GAPDH: variants seen among roughly 807,000 people sequenced by gnomAD.
GAPDH encodes the protein glyceraldehyde-3-phosphate dehydrogenase, also known as OCAS, p38 component.
A neutral mutation model predicts 31.2 loss-of-function variants in GAPDH; 13 were observed. The observed-to-expected ratio is 0.42, with a 90% CI of 0.27 to 0.66. The LOEUF (loss-of-function observed/expected upper bound fraction) is 0.66, where lower values mean the gene tolerates loss of function less well. GAPDH is among the 30% of genes least tolerant of loss of function. The pLI is 0.26. For missense variants in GAPDH, 300 were observed against 443.7 expected (o/e 0.68, Z 2.91); for synonymous variants, 211 against 166.9 (o/e 1.26, Z -2.04).
At position 6,536,555 on chromosome 12, in the gene GAPDH, G is replaced by A; in HGVS notation, c.91G>A (p.Val31Ile). 10 of 1,613,842 alleles carry A rather than the reference G, an allele frequency of 6.2e-6. No individual in the cohort carries two copies. Among genetic ancestry groups the A allele is most frequent in the Non-Finnish European group, 7.6e-6 (9 of 1,179,994 alleles). The change falls in exon 3 of 9, where the codon GTT becomes ATT. Residue 31 changes from valine (V) to isoleucine (I), a missense_variant. Val to Ile is a conservative substitution (Grantham distance 29, BLOSUM62 3). Coordinates refer to ENST00000229239, the MANE Select transcript of GAPDH (RefSeq NM_002046.7). ...TTTTAACTCTGGTAAAGTGGATATT[G>A]TTGCCATCAATGACCCCTTCATTGA... ...AAFNSGKVDI[V>I]AINDPFIDLN... is the part of the protein sequence containing the mutation.
chr12:6,538,048 C>T (rs773182776), intron 8 of GAPDH, 52 bp downstream of exon 8: 6 of 1,597,570 alleles, frequency 3.8e-6, no homozygotes, highest in Non-Finnish European at 4.2e-6. Flanking sequence ...GGTCTGGCGC[C>T]CTCTGGTGGC....
chr12:6,538,240 T>C lies in GAPDH; in HGVS notation c.*70T>C. 2.4e-6 allele frequency: 3 copies of C among 1,245,310 alleles called. No individual in the cohort carries two copies. Among genetic ancestry groups the C allele is most frequent in the Non-Finnish European group, 3.5e-6 (3 of 860,542 alleles). 77.1% of individuals were successfully genotyped at this position (1,245,310 alleles called of 1,614,324 possible). A position where few individuals can be genotyped will look rare whatever the true frequency, so the allele number is the denominator to read the frequency against. Reference sequence around the variant, plus strand: ...GAGACCCTCACTGCTGGGGAGTCCCTGCCACACTCAGTCCCCCACCACACT... The same window carrying C: ...GAGACCCTCACTGCTGGGGAGTCCCCGCCACACTCAGTCCCCCACCACACT... On this transcript the variant is annotated 3_prime_UTR_variant, in exon 9 of 9. Transcript: ENST00000229239.
rs190257763 is a variant in GAPDH at position 6,536,248 on chromosome 12, G to A, written c.30-246G>A. Among the ~76,000 whole-genome samples, 388 of 152,312 alleles carry A rather than the reference G, an allele frequency of 2.5e-3. 2 individuals carry two copies. Among genetic ancestry groups the A allele is most frequent in the Non-Finnish European group, 2.5e-3 (173 of 68,014 alleles). On this transcript the variant is annotated intron_variant, in intron 2 of 8. Transcript: ENST00000229239. Reference sequence around the variant, plus strand: ...GTGGGTGGCAGTGCCCCACATGGCCGCTTCTCCTGGAAGGGCTTCGTATGA... The same window carrying A: ...GTGGGTGGCAGTGCCCCACATGGCCACTTCTCCTGGAAGGGCTTCGTATGA...
At chr12:6,534,739 G>T (rs1946419650) in intron 1 of GAPDH, 71 bp from the exon 2 acceptor site, 8 of 1,344,918 alleles carry the variant, frequency 5.9e-6, no homozygotes, top group East Asian at 2.3e-5. Flanking sequence ...GAGGCCTGGT[G>T]GGGGAGGGGA....
chr12:6,537,232 C>T lies in GAPDH; in HGVS notation c.443+16C>T, dbSNP rs1409516529. On this transcript the variant is annotated intron_variant, in intron 6 of 8. Transcript: ENST00000229239. The surrounding 1 kb of genome is among the most constrained non-coding windows in gnomAD (Gnocchi z 4.9). The stretch of plus-strand genomic sequence containing the variant: ...AGATCATCAGGTGAGGAAGGCAGGG[C>T]CCGTGGAGAAGCGGCCAGCCTGGCA... 1.3e-6 allele frequency: 2 copies of T among 1,598,000 alleles called. No homozygotes were observed. Among genetic ancestry groups the T allele is most frequent in the South Asian group, 1.2e-5 (1 of 86,736 alleles).
chr12:6,535,051 C>T, intron 2 of GAPDH, 190 bp downstream of exon 2: 1 of 798,480 alleles, frequency 1.3e-6, no homozygotes, highest in Non-Finnish European at 1.9e-6. Flanking sequence ...TGCAGCTCCG[C>T]CCTTGCGGCG....
At chr12:6,536,332 G>A (rs1038512048) in intron 2 of GAPDH, among the ~76,000 whole-genome samples, 162 bp from the exon 3 acceptor site, 18 of 152,188 alleles carry the variant, frequency 1.2e-4, no homozygotes, top group African/African-American at 4.1e-4. Flanking sequence ...AGCCAGGCCA[G>A]CCTGGCAGGG....
chr12:6,534,957 G>A, intron 2 of GAPDH, 96 bp downstream of exon 2: 2 of 1,345,934 alleles, frequency 1.5e-6, no homozygotes, highest in Non-Finnish European at 1.0e-6. Context: ...GTCGTATGGG[G>A]GCAGGGTAGC....
chr12:6,536,548 G>A lies in GAPDH; in HGVS notation c.84G>A (p.Val28=), dbSNP rs1343640396. The change falls in exon 3 of 9, where the codon GTG becomes GTA. Residue 28 remains valine, a synonymous_variant. Transcript: ENST00000229239. ...GGGCTGCTTTTAACTCTGGTAAAGTGGATATTGTTGCCATCAATGACCCCT... is the reference window on the plus strand; with the variant it reads ...GGGCTGCTTTTAACTCTGGTAAAGTAGATATTGTTGCCATCAATGACCCCT... ...VTRAAFNSGK[V]DIVAINDPFI... is the part of the protein sequence containing the mutation. 9.3e-6 allele frequency: 15 copies of A among 1,613,802 alleles called. No individual in the cohort carries two copies. The highest frequency in any genetic ancestry group is 3.3e-4 in the Middle Eastern group (2 of 6,062).
chr12:6,534,743 G>C, intron 1 of GAPDH, 67 bp from the exon 2 acceptor site: 1 of 1,348,588 alleles, frequency 7.4e-7, no homozygotes, highest in Non-Finnish European at 1.1e-6. Flanking sequence ...CCTGGTGGGG[G>C]AGGGGAGGGG....
Position 6,537,028 on chromosome 12 carries a change from C to A in GAPDH, c.327+18C>A. On this transcript the variant is annotated intron_variant, in intron 5 of 8. Coordinates refer to ENST00000229239, the MANE Select transcript of GAPDH (RefSeq NM_002046.7). The surrounding 1 kb of genome is among the most constrained non-coding windows in gnomAD (Gnocchi z 4.9). ...AGGCTGGGGTGAGTGCAGGAGGGCC[C>A]GCGGGAGGGGAAGCTGACTCAGCCC... 1.2e-6 allele frequency: 2 copies of A among 1,609,890 alleles called. No individual in the cohort carries two copies. Among genetic ancestry groups the A allele is most frequent in the African/African-American group, 1.3e-5 (1 of 74,912 alleles).
chr12:6,534,679 C>T (rs939377923), intron 1 of GAPDH, 110 bp downstream of exon 1: 37 of 846,984 alleles, frequency 4.4e-5, no homozygotes, highest in Non-Finnish European at 6.6e-5. Flanking sequence ...CGGGCGGCCT[C>T]CGCATTGCAG....
intron 1 of GAPDH, 90 bp downstream of exon 1, chr12:6,534,659 G>A (rs1946417263): frequency 9.7e-6 from 7 of 718,414 alleles, no homozygotes. Flanking sequence ...GCGCCGCTGC[G>A]GGGTGGGCCC....
chr12:6,536,414 A>T, intron 2 of GAPDH, 80 bp from the exon 3 acceptor site: 3 of 1,005,244 alleles, frequency 3.0e-6, no homozygotes, highest in South Asian at 2.6e-5. Flanking sequence ...TCGCCCTCTT[A>T]ATGGGGAGGT....
Position 6,536,934 on chromosome 12 carries a change from A to G in GAPDH, c.251A>G (p.Lys84Arg). The change falls in exon 5 of 9, where the codon AAA (lysine) becomes AGA (arginine). Residue 84 changes from lysine (K) to arginine (R), a missense_variant. Physicochemically the swap from Lys to Arg is conservative, Grantham distance 26 (BLOSUM62 2). Transcript: ENST00000229239. ...ITIFQERDPS[K>R]IKWGDAGAEY... Reference sequence around the variant, plus strand: ...CACCCCCATAGGCGAGATCCCTCCAAAATCAAGTGGGGCGATGCTGGCGCT... The same window carrying G: ...CACCCCCATAGGCGAGATCCCTCCAGAATCAAGTGGGGCGATGCTGGCGCT... 6.2e-7 allele frequency: 1 copy of G among 1,613,548 alleles called. No individual in the cohort carries two copies. Among genetic ancestry groups the G allele is most frequent in the South Asian group, 1.1e-5 (1 of 91,042 alleles).
At chr12:6,535,316 A>G in intron 2 of GAPDH, 1 of 998,940 alleles carries the variant, frequency 1.0e-6, no homozygotes, top group Non-Finnish European at 1.2e-6. Context: ...ACCGGGAAGG[A>G]AATGAATGGG....
chr12:6,534,919 C>T, intron 2 of GAPDH, 58 bp downstream of exon 2: 1 of 1,581,510 alleles, frequency 6.3e-7, no homozygotes, highest in Non-Finnish European at 8.7e-7. Flanking sequence ...ACCGCGTCTA[C>T]GAGCCTTGCG....
chr12:6,536,898 C>T, intron 4 of GAPDH, 22 bp from the exon 5 acceptor site: 1 of 1,601,260 alleles, frequency 6.2e-7, no homozygotes, highest in Non-Finnish European at 8.6e-7. Flanking sequence ...GTCCTGTCCC[C>T]ATCTCCCCCC....
rs775837057 is a variant in GAPDH at position 6,534,878 on chromosome 12, C to T, written c.29+17C>T. 4 of 1,611,940 alleles carry T rather than the reference C, an allele frequency of 2.5e-6. No homozygotes were observed. The Admixed American group carries it at 6.7e-5, about 27-fold the overall frequency. On this transcript the variant is annotated intron_variant, in intron 2 of 8. Coordinates refer to ENST00000229239, the MANE Select transcript of GAPDH (RefSeq NM_002046.7). The stretch of plus-strand genomic sequence containing the variant: ...AGTCAACGGGTGAGTTCGCGGGTGG[C>T]TGGGGGGCCCTGGGCTGCGACCGCC...
Sources: gnomAD v4.1 joint callset for allele counts (sites outside exome capture counted in the v4.1 genomes callset) on GRCh38, gnomAD v4.1.1 for gene constraint, Gnocchi (gnomAD v3.1) non-coding constraint, MANE v1.5 for transcripts, NCBI Gene and HGNC (gene_info 2026-07-23, HGNC 2026-07-21) for gene names.